Variants in DCC observed in about 807,000 individuals in gnomAD.
The protein encoded by DCC is netrin receptor DCC.
Under a neutral mutation model 172.5 loss-of-function variants are expected in DCC, and 58 were observed. That is an observed-to-expected ratio of 0.34 (90% CI 0.27 to 0.42). The LOEUF (loss-of-function observed/expected upper bound fraction) is 0.42, where lower values mean the gene tolerates loss of function less well. Among genes scored for constraint, DCC ranks in the 10% least tolerant of loss-of-function variants. The pLI is 1.00. For synonymous variants in DCC, 709 were observed against 644.5 expected, an observed-to-expected ratio of 1.10 and a Z score of -1.52; for missense variants, 1,740 against 1,791.0, an observed-to-expected ratio of 0.97 and a Z score of 0.51.
intron 1 of DCC, among the ~76,000 whole-genome samples, chr18:52,728,137 A>T (rs2036580788): frequency 6.6e-6 from 1 of 151,854 alleles, no homozygotes; most frequent in Non-Finnish European, 1.5e-5. Context: ...TTGATGAGGG[A>T]ATTGCCTTTC....
intron 5 of DCC, among the ~76,000 whole-genome samples, chr18:52,927,085 A>T (rs2040220909): frequency 9.3e-6 from 1 of 107,472 alleles, no homozygotes; most frequent in Non-Finnish European, 2.1e-5. Context: ...ATGTGTATAT[A>T]CACGTATATA....
In DCC at chr18:52,925,235, T is replaced by C. The variant is rs1412424418; in HGVS notation, c.850T>C (p.Ser284Pro). The C allele has an allele frequency of 6.2e-7, 1 of 1,612,040 alleles. No homozygotes were observed. Among genetic ancestry groups the C allele is most frequent in the Admixed American group, 1.7e-5 (1 of 59,906 alleles). ...LRGEEVIQLRSKKYSLLGGSN... is the reference protein window; with the variant it reads ...LRGEEVIQLRPKKYSLLGGSN... The stretch of plus-strand genomic sequence containing the variant: ...CTGCACCTTCCCTATGTCTTGCAGG[T>C]CTAAAAAGTATTCTTTATTGGGTGG... The change falls in exon 5 of 29, where the codon TCT becomes CCT. Residue 284 changes from serine to proline, a missense_variant and splice_region_variant. Physicochemically the swap from Ser to Pro is moderately conservative, Grantham distance 74. Transcript: ENST00000442544.
chr18:53,064,660 T>C (rs908810784), intron 6 of DCC, among the ~76,000 whole-genome samples: 11 of 152,228 alleles, frequency 7.2e-5, no homozygotes, highest in East Asian at 1.9e-4. Flanking sequence ...ATTTTATCAC[T>C]TTTATTACCA....
At chr18:53,017,037 A>C (rs1008861756) in intron 5 of DCC, among the ~76,000 whole-genome samples, 1 of 150,432 alleles carries the variant, frequency 6.6e-6, no homozygotes, top group Admixed American at 6.6e-5. Flanking sequence ...ATAAAAGGCA[A>C]TGTGACATAA....
At chr18:52,637,485 G>A (rs532177603) in intron 1 of DCC, among the ~76,000 whole-genome samples, 2 of 152,204 alleles carry the variant, frequency 1.3e-5, no homozygotes, top group East Asian at 3.9e-4. Context: ...AAAGAATTTA[G>A]GAAACTTTGG....
intron 15 of DCC, among the ~76,000 whole-genome samples, chr18:53,373,643 C>T (rs34563569): frequency 0.69 from 105,494 of 152,008 alleles, 37,045 homozygotes; most frequent in Middle Eastern, 0.76. Flanking sequence ...TTATCATTAA[C>T]TTAATGTCCC....
At chr18:52,992,627 G>T (rs1379668794) in intron 5 of DCC, among the ~76,000 whole-genome samples, 1 of 148,754 alleles carries the variant, frequency 6.7e-6, no homozygotes, top group Non-Finnish European at 1.5e-5. Flanking sequence ...TATGACAGTT[G>T]TGCAAACTCA....
chr18:52,735,754 T>C (rs1046481906), intron 1 of DCC, among the ~76,000 whole-genome samples: 3 of 152,114 alleles, frequency 2.0e-5, no homozygotes, highest in African/African-American at 4.8e-5. Flanking sequence ...CCCAGCCAGA[T>C]TGAGGGTGGG....
intron 12 of DCC, among the ~76,000 whole-genome samples, chr18:53,281,096 A>T (rs1407552130): frequency 6.6e-6 from 1 of 152,134 alleles, no homozygotes; most frequent in Non-Finnish European, 1.5e-5. Context: ...TGAAATTGTG[A>T]TTTAATAAAA....
intron 2 of DCC, among the ~76,000 whole-genome samples, chr18:52,873,114 C>T (rs1228626647): frequency 6.6e-6 from 1 of 152,094 alleles, no homozygotes; most frequent in South Asian, 2.1e-4. Flanking sequence ...ACAAAATATC[C>T]TACAAAATAT....
intron 12 of DCC, among the ~76,000 whole-genome samples, chr18:53,290,264 G>T (rs113671465): frequency 1.3e-5 from 2 of 152,262 alleles, no homozygotes; most frequent in East Asian, 3.9e-4. Context: ...ATTTCCAACA[G>T]GAGAAAGCCA....
At chr18:52,963,021 G>A (rs1251410146) in intron 5 of DCC, among the ~76,000 whole-genome samples, 1 of 150,276 alleles carries the variant, frequency 6.7e-6, no homozygotes, top group Admixed American at 6.6e-5. Flanking sequence ...CGAGTTGATG[G>A]GTGCAGCACA....
At chr18:52,795,594 T>G (rs533257613) in intron 2 of DCC, among the ~76,000 whole-genome samples, 3 of 151,910 alleles carry the variant, frequency 2.0e-5, no homozygotes, top group Non-Finnish European at 4.4e-5. Flanking sequence ...TTTCATTTAG[T>G]CTGTTTTTAG....
intron 1 of DCC, among the ~76,000 whole-genome samples, chr18:52,571,280 T>A (rs2033285592): frequency 6.6e-6 from 1 of 151,918 alleles, no homozygotes; most frequent in African/African-American, 2.4e-5. Context: ...GAGTGGTGAC[T>A]ATGAGGAGGG....
At chr18:52,784,934 G>GGA (rs59734988) in intron 2 of DCC, among the ~76,000 whole-genome samples, 12,450 of 141,408 alleles carry the variant, frequency 0.088, 1,898 homozygotes, top group African/African-American at 0.31. Flanking sequence ...AGAGAAGGGG[G>GGA]GAGAGAGAGA....
intron 20 of DCC, among the ~76,000 whole-genome samples, chr18:53,411,652 G>A (rs1175861846): frequency 6.6e-6 from 1 of 152,154 alleles, no homozygotes; most frequent in Non-Finnish European, 1.5e-5. Flanking sequence ...ATTCTGATGA[G>A]TGAGCTATTC....
intron 1 of DCC, among the ~76,000 whole-genome samples, chr18:52,716,170 G>T (rs12955836): frequency 0.36 from 54,816 of 152,140 alleles, 11,062 homozygotes; most frequent in Non-Finnish European, 0.46. Context: ...CCCCATACCC[G>T]CAGGCTATGT....
intron 1 of DCC, among the ~76,000 whole-genome samples, chr18:52,496,521 T>C (rs1186293496): frequency 6.6e-6 from 1 of 152,172 alleles, no homozygotes; most frequent in Non-Finnish European, 1.5e-5. Context: ...TGCTGCCTGA[T>C]GAATTTAAAC....
At chr18:53,031,057 G>A (rs1454367549) in intron 5 of DCC, among the ~76,000 whole-genome samples, 8 of 152,096 alleles carry the variant, frequency 5.3e-5, no homozygotes, top group Admixed American at 5.2e-4. Context: ...TCAAGAGTTC[G>A]AGACCAGCCT....
Sources: gnomAD v4.1 joint callset for allele counts (sites outside exome capture counted in the v4.1 genomes callset) on GRCh38, gnomAD v4.1.1 for gene constraint, MANE v1.5 for transcripts, NCBI Gene and HGNC (gene_info 2026-07-23, HGNC 2026-07-21) for gene names.